NOS2: variants seen among roughly 807,000 people sequenced by gnomAD.
NOS2 encodes nitric oxide synthase 2, also known as nitric oxide synthase, inducible.
A neutral mutation model predicts 136.0 loss-of-function variants in NOS2; 96 were observed. The ratio of observed to expected loss-of-function variants is 0.71; its 90% CI spans 0.60 to 0.84. The LOEUF is 0.84. Ranked by LOEUF, NOS2 falls within the 40% of genes least tolerant of loss-of-function variation. The pLI is 0.00. For missense variants in NOS2, 1,237 were observed against 1,496.9 expected, an observed-to-expected ratio of 0.83 and a Z score of 2.87; for synonymous variants, 539 against 587.5, an observed-to-expected ratio of 0.92 and a Z score of 1.20.
Position 27,767,475 on chromosome 17 carries a change from T to A in NOS2, c.2167+230A>T, listed in dbSNP as rs796448388. ...ACAGTGTCTGACACACAGTAGGCCC[T>A]TGGCGGATGCTGATCCCTTCTGTCT... On this transcript the variant is annotated intron_variant, in intron 18 of 26. Coordinates refer to ENST00000313735, the MANE Select transcript of NOS2 (RefSeq NM_000625.4). Among the ~76,000 whole-genome samples, 14 of 152,378 alleles carry A rather than the reference T, an allele frequency of 9.2e-5. 1 individual carries two copies. Among genetic ancestry groups the A allele is most frequent in the African/African-American group, 2.4e-4 (10 of 41,590 alleles).
rs15782 is a variant in NOS2 at position 27,757,009 on chromosome 17, T to C, written c.*237A>G. On this transcript the variant is annotated 3_prime_UTR_variant, in exon 27 of 27. Coordinates refer to ENST00000313735, the MANE Select transcript of NOS2 (RefSeq NM_000625.4). ...TTGCCAGGCCTGGCATTTAAGATTT[T>C]GTCTCCAAGGGACCAGGGAGGCCCC... The C allele has an allele frequency of 2.3e-5, 10 of 439,108 alleles. No homozygotes were observed. The highest frequency in any genetic ancestry group is 2.1e-4 in the Admixed American group (5 of 23,692). 27.2% of individuals were successfully genotyped at this position (439,108 alleles called of 1,614,324 possible). A position where few individuals can be genotyped will look rare whatever the true frequency, so the allele number is the denominator to read the frequency against.
At chr17:27,766,698 C>T in intron 18 of NOS2, 110 bp from the exon 19 acceptor site, 1 of 800,356 alleles carries the variant, frequency 1.2e-6, no homozygotes, top group Admixed American at 1.9e-5. Flanking sequence ...TTGGGGCATC[C>T]TGCTGAGGTG....
intron 13 of NOS2, among the ~76,000 whole-genome samples, chr17:27,772,749 C>T (rs1908538190): frequency 6.6e-6 from 1 of 152,104 alleles, no homozygotes; most frequent in Non-Finnish European, 1.5e-5. Context: ...AATATACATT[C>T]CCAGGCTGGG....
chr17:27,791,622 T>C (rs868486649), intron 2 of NOS2, among the ~76,000 whole-genome samples: 5 of 152,088 alleles, frequency 3.3e-5, no homozygotes, highest in South Asian at 2.1e-4. Flanking sequence ...GGGCCCAATC[T>C]CTCTCCTCCA....
intron 7 of NOS2, among the ~76,000 whole-genome samples, 197 bp downstream of exon 7, chr17:27,781,818 G>T (rs1908856468): frequency 6.6e-6 from 1 of 152,216 alleles, no homozygotes; most frequent in Non-Finnish European, 1.5e-5. Flanking sequence ...GGCATGGGTT[G>T]CCGATGGGAG....
At chr17:27,769,969 AG>A (rs1365186640) in intron 15 of NOS2, among the ~76,000 whole-genome samples, 1 of 152,240 alleles carries the variant, frequency 6.6e-6, no homozygotes, top group Non-Finnish European at 1.5e-5. Context: ...CTCTGAAATA[AG>A]GCTGGCTTTC....
chr17:27,780,679 G>T, intron 9 of NOS2, 88 bp downstream of exon 9: 1 of 1,558,934 alleles, frequency 6.4e-7, no homozygotes. Context: ...CTTTAGGGAA[G>T]GTATGGGGAA....
At chr17:27,769,432 CG>C in intron 16 of NOS2, 102 bp downstream of exon 16, 1 of 998,290 alleles carries the variant, frequency 1.0e-6, no homozygotes, top group Non-Finnish European at 1.6e-6. Context: ...TGTGCCTGCA[CG>C]GTTCTGAGAA....
chr17:27,793,816 T>G (rs1597560537), intron 2 of NOS2: 2 of 372,520 alleles, frequency 5.4e-6, no homozygotes, highest in Admixed American at 4.6e-5. Context: ...GCGGGGGCTC[T>G]TCACCCACGC....
chr17:27,793,723 G>T, intron 2 of NOS2: 1 of 392,732 alleles, frequency 2.5e-6, no homozygotes, highest in Non-Finnish European at 4.5e-6. Flanking sequence ...CAGCTCCGCT[G>T]GCTCCACGCG....
At chr17:27,782,856 G>A in intron 6 of NOS2, 88 bp downstream of exon 6, 4 of 1,348,426 alleles carry the variant, frequency 3.0e-6, no homozygotes, top group Non-Finnish European at 4.1e-6. Context: ...CAGGAGGCCT[G>A]GGCACAGCTC....
At chr17:27,780,630 G>C in intron 9 of NOS2, 137 bp downstream of exon 9, 1 of 1,104,584 alleles carries the variant, frequency 9.1e-7, no homozygotes, top group Admixed American at 2.1e-5. Context: ...AAGAGTCCTT[G>C]AAGGCCAGCC....
intron 2 of NOS2, among the ~76,000 whole-genome samples, chr17:27,792,596 G>T (rs1293938890): frequency 6.6e-6 from 1 of 152,044 alleles, no homozygotes; most frequent in East Asian, 1.9e-4. Context: ...TTATCACATT[G>T]TTGATTCTGA....
chr17:27,793,677 G>T lies in NOS2; in HGVS notation c.111-3989C>A, dbSNP rs1488134675. 1.8e-5 allele frequency: 7 copies of T among 396,190 alleles called. No homozygotes were observed. In the East Asian group the frequency reaches 2.5e-4, roughly 14 times the overall value. 24.5% of individuals were successfully genotyped at this position (396,190 alleles called of 1,614,324 possible). A position where few individuals can be genotyped will look rare whatever the true frequency, so the allele number is the denominator to read the frequency against. On this transcript the variant is annotated intron_variant, in intron 2 of 26. Coordinates refer to ENST00000313735, the MANE Select transcript of NOS2 (RefSeq NM_000625.4). ...GGGGCCCGGCGGCCTCGCACGCCGC[G>T]CCCAGCCCCTCGCGCATGGCCCGGC...
chr17:27,769,277 C>G (rs1908412153), intron 16 of NOS2, 126 bp from the exon 17 acceptor site: 2 of 1,008,868 alleles, frequency 2.0e-6, no homozygotes, highest in South Asian at 1.6e-5. Context: ...TGGAGCTGGA[C>G]CCCCTTCTGG....
chr17:27,771,052 TC>T (rs1908479803), intron 14 of NOS2, 35 bp from the exon 15 acceptor site: 1 of 1,517,820 alleles, frequency 6.6e-7, no homozygotes, highest in South Asian at 1.1e-5. Context: ...AGCCCTCGGC[TC>T]CCAGTAGGGC....
chr17:27,784,105 G>A (rs996902021), intron 5 of NOS2, among the ~76,000 whole-genome samples: 2 of 150,824 alleles, frequency 1.3e-5, no homozygotes, highest in African/African-American at 4.9e-5. Context: ...CCCAAAGGGA[G>A]GGAGGGACTC....
At chr17:27,769,411 A>AC in intron 16 of NOS2, 124 bp downstream of exon 16, 1 of 863,072 alleles carries the variant, frequency 1.2e-6, no homozygotes, top group Non-Finnish European at 1.9e-6. Flanking sequence ...CAGACCTTAG[A>AC]CCCAGGTCTC....
At position 27,758,910 on chromosome 17, in the gene NOS2, G is replaced by A; in HGVS notation, c.3325C>T (p.Gln1109Ter). The A allele has an allele frequency of 1.2e-6, 2 of 1,608,900 alleles. No homozygotes were observed. Among genetic ancestry groups the A allele is most frequent in the Non-Finnish European group, 1.7e-6 (2 of 1,177,662 alleles). ...VAAKLKLNEE[Q>*]VEDYFFQLKS... ...AGCTGAAAGAAATAGTCCTCGACCT[G>A]CTCCTCATTCAATTTCAGCTTGGCA... is the stretch of plus-strand genomic sequence containing the variant. Residue 1109 changes from glutamine (Q) to a stop codon, truncating the protein, a stop_gained, in exon 26 of 27, where the codon CAG becomes TAG. Coordinates refer to ENST00000313735, the MANE Select transcript of NOS2 (RefSeq NM_000625.4). LOFTEE classifies it high-confidence loss of function.
Sources: allele counts gnomAD v4.1 joint callset (sites outside exome capture counted in the v4.1 genomes callset), GRCh38; gene constraint gnomAD v4.1.1; transcripts MANE v1.5; gene names NCBI Gene and HGNC (gene_info 2026-07-23, HGNC 2026-07-21).